ROBO2: variants seen among roughly 807,000 people sequenced by gnomAD.
The protein encoded by ROBO2 is roundabout homolog 2.
In ROBO2, 53 loss-of-function variants were observed where a neutral mutation model predicts 160.8. That is an observed-to-expected ratio of 0.33 (90% confidence interval 0.26 to 0.41). The LOEUF is 0.41. ROBO2 is among the 10% of genes least tolerant of loss of function. ROBO2 has a pLI of 1.00. For missense variants in ROBO2, 1,577 were observed against 1,722.4 expected, an observed-to-expected ratio of 0.92 and a Z score of 1.49; for synonymous variants, 664 against 611.7, an observed-to-expected ratio of 1.09 and a Z score of -1.26.
chr3:76,278,561 A>T (rs2107660279), intron 2 of ROBO2, among the ~76,000 whole-genome samples: 1 of 152,140 alleles, frequency 6.6e-6, no homozygotes. Context: ...AGGAGTCAAT[A>T]AAAATAACAG....
At chr3:76,399,236 T>C (rs974561017) in intron 2 of ROBO2, among the ~76,000 whole-genome samples, 4 of 151,688 alleles carry the variant, frequency 2.6e-5, no homozygotes, top group African/African-American at 9.7e-5. Flanking sequence ...GTAAATAAGA[T>C]AAGTAGAGAA....
intron 2 of ROBO2, among the ~76,000 whole-genome samples, chr3:76,891,643 C>A (rs938164454): frequency 2.0e-5 from 3 of 152,072 alleles, no homozygotes; most frequent in African/African-American, 7.2e-5. Context: ...TGTAAGTAGA[C>A]AATCGAATCT....
chr3:76,490,224 T>C (rs2079740721), intron 2 of ROBO2, among the ~76,000 whole-genome samples: 1 of 152,172 alleles, frequency 6.6e-6, no homozygotes, highest in South Asian at 2.1e-4. Context: ...TCACTAAAGT[T>C]AAAGAAAATC....
At chr3:75,983,333 T>G (rs143829371) in intron 2 of ROBO2, among the ~76,000 whole-genome samples, 230 of 151,600 alleles carry the variant, frequency 1.5e-3, no homozygotes, top group Middle Eastern at 3.4e-3. Flanking sequence ...GTTGGCAGTG[T>G]ACTGAAAGCA....
intron 2 of ROBO2, among the ~76,000 whole-genome samples, chr3:76,753,934 T>C (rs950114792): frequency 3.3e-5 from 5 of 152,022 alleles, no homozygotes; most frequent in African/African-American, 1.2e-4. Flanking sequence ...GATATTATTT[T>C]TAATTCCTTG....
At chr3:77,299,544 G>A (rs1366119704) in intron 2 of ROBO2, among the ~76,000 whole-genome samples, 2 of 152,052 alleles carry the variant, frequency 1.3e-5, no homozygotes, top group Non-Finnish European at 2.9e-5. Flanking sequence ...TGAGCAAAGG[G>A]GAAAAAGCCC....
chr3:75,936,011 T>C (rs2106992940), intron 1 of ROBO2, among the ~76,000 whole-genome samples: 1 of 152,298 alleles, frequency 6.6e-6, no homozygotes, highest in East Asian at 1.9e-4. Context: ...GTAAAGAATG[T>C]AAGGCATTTA....
At chr3:77,152,332 T>C (rs2077616602) in intron 2 of ROBO2, among the ~76,000 whole-genome samples, 1 of 152,172 alleles carries the variant, frequency 6.6e-6, no homozygotes, top group Admixed American at 6.5e-5. Context: ...TAGCCTAATA[T>C]CCCAAATTTT....
intron 11 of ROBO2, 68 bp downstream of exon 12, chr3:77,563,397 A>T: frequency 2.1e-6 from 3 of 1,427,298 alleles, no homozygotes; most frequent in Non-Finnish European, 3.0e-6. Flanking sequence ...ATGTCACCTG[A>T]ACTATCCTGC....
At chr3:76,470,967 A>G (rs2078622841) in intron 2 of ROBO2, among the ~76,000 whole-genome samples, 1 of 152,044 alleles carries the variant, frequency 6.6e-6, no homozygotes, top group African/African-American at 2.4e-5. Flanking sequence ...CCACCATAAA[A>G]CTTTCTTATA....
chr3:76,953,016 A>C (rs542590230), intron 2 of ROBO2, among the ~76,000 whole-genome samples: 1 of 152,214 alleles, frequency 6.6e-6, no homozygotes, highest in Non-Finnish European at 1.5e-5. Context: ...TCTGACAAAA[A>C]TCATGACAAT....
intron 2 of ROBO2, among the ~76,000 whole-genome samples, chr3:76,386,129 T>G (rs989566710): frequency 6.6e-5 from 10 of 152,274 alleles, no homozygotes; most frequent in East Asian, 5.8e-4. Flanking sequence ...AAATATAAAT[T>G]CATTTGATAT....
rs1472043491 is a variant in ROBO2, at chr3:76,617,299, A to G, written c.110-480715A>G. Among the ~76,000 whole-genome samples the G allele has an allele frequency of 4.0e-5, 6 of 151,768 alleles. No individual in the cohort carries two copies. In the East Asian group the frequency reaches 1.2e-3, roughly 29 times the overall value. ...CTTTATTGTATATATATATATATATAAGGATTATGACTTGTGATTTGTCTT... is the reference window on the plus strand; with the variant it reads ...CTTTATTGTATATATATATATATATGAGGATTATGACTTGTGATTTGTCTT... On this transcript the variant is annotated intron_variant, in intron 2 of 26. Transcript: ENST00000487694.
chr3:77,232,015 C>T (rs2087281480), intron 2 of ROBO2, among the ~76,000 whole-genome samples: 1 of 152,152 alleles, frequency 6.6e-6, no homozygotes, highest in African/African-American at 2.4e-5. Flanking sequence ...TCTAGGTTCT[C>T]TTCCTATCAT....
intron 2 of ROBO2, among the ~76,000 whole-genome samples, chr3:76,315,169 C>A (rs1207198237): frequency 6.6e-6 from 1 of 152,190 alleles, no homozygotes; most frequent in Non-Finnish European, 1.5e-5. Flanking sequence ...CATTCTGGCA[C>A]TTGACCTTGA....
chr3:76,568,013 C>A (rs1259775000), intron 2 of ROBO2, among the ~76,000 whole-genome samples: 1 of 151,112 alleles, frequency 6.6e-6, no homozygotes, highest in Admixed American at 6.6e-5. Flanking sequence ...CGGGATTTCA[C>A]CATGTTGCCC....
intron 2 of ROBO2, among the ~76,000 whole-genome samples, chr3:76,484,347 A>G (rs1388199703): frequency 6.6e-6 from 1 of 152,184 alleles, no homozygotes; most frequent in Non-Finnish European, 1.5e-5. Flanking sequence ...TGCTTTTAAA[A>G]TAAGCTTAAA....
chr3:77,333,676 A>G (rs1276823743), intron 2 of ROBO2, among the ~76,000 whole-genome samples: 1 of 152,194 alleles, frequency 6.6e-6, no homozygotes, highest in Admixed American at 6.5e-5. Context: ...TGTCCAGTAT[A>G]TTGTTATAAC....
intron 2 of ROBO2, among the ~76,000 whole-genome samples, chr3:76,173,503 T>C (rs2073118365): frequency 6.6e-6 from 1 of 151,942 alleles, no homozygotes; most frequent in African/African-American, 2.4e-5. Context: ...CCTAATGCTC[T>C]CCCTCCCCTT....
Sources: allele counts gnomAD v4.1 joint callset (sites outside exome capture counted in the v4.1 genomes callset), GRCh38; gene constraint gnomAD v4.1.1; transcripts MANE v1.5; gene names NCBI Gene and HGNC (gene_info 2026-07-23, HGNC 2026-07-21).